Variants in RAB33A observed in about 807,000 individuals in gnomAD.
RAB33A encodes ras-related protein Rab-33A.
RAB33A carries 6 observed loss-of-function variants against 12.0 expected under a neutral mutation model. That is an observed-to-expected ratio of 0.50 (90% CI 0.27 to 0.99). The LOEUF (loss-of-function observed/expected upper bound fraction) is 0.99, where lower values mean the gene tolerates loss of function less well. RAB33A is among the 50% of genes least tolerant of loss of function. RAB33A has a pLI of 0.11. For missense variants in RAB33A, 109 were observed against 192.0 expected (o/e 0.57, Z 2.55); for synonymous variants, 70 against 82.4 (o/e 0.85, Z 0.81).
the RAB33A span, chrX:130,149,684 T>C: frequency 5.3e-6 from 3 of 563,352 alleles, no homozygotes; most frequent in South Asian, 7.7e-5. Flanking sequence ...AGTTCCTCTA[T>C]GTCAAAACCA....
the RAB33A span, among the ~76,000 whole-genome samples, chrX:130,113,225 A>C: frequency 1.0e-5 from 1 of 96,102 alleles, no homozygotes; most frequent in African/African-American, 3.9e-5. Context: ...GGACTACAGG[A>C]ACCCGCCACC....
At chrX:130,163,661 G>A in the RAB33A span, among the ~76,000 whole-genome samples, 1 of 112,231 alleles carries the variant, frequency 8.9e-6, no homozygotes, top group Non-Finnish European at 1.9e-5. Flanking sequence ...AAGACATGCA[G>A]TGGAAAAAAC....
chrX:130,163,999 C>A, the RAB33A span, among the ~76,000 whole-genome samples: 93 of 74,201 alleles, frequency 1.3e-3, no homozygotes, highest in Admixed American at 1.8e-3. Context: ...ACTAAAAATA[C>A]AAAAAAAAAA....
chrX:130,182,967 C>T lies in RAB33A; in HGVS notation c.259-1318C>T, dbSNP rs188068316. 6.2e-3 allele frequency among the ~76,000 whole-genome samples: 680 copies of T among 108,934 alleles called. 4 individuals are homozygous for T. Among genetic ancestry groups the T allele is most frequent in the African/African-American group, 0.022 (649 of 30,047 alleles). The allele number at this position is 108,934 out of a possible 115,157, so 94.6% of individuals were successfully genotyped here. A position where few individuals can be genotyped will look rare whatever the true frequency, so the allele number is the denominator to read the frequency against. Reference sequence around the variant, plus strand: ...TTGCCCAGGCTGAAGTGCAGTGGCCCGATCTCGGCTTACTGCAACCACCGC... The same window carrying T: ...TTGCCCAGGCTGAAGTGCAGTGGCCTGATCTCGGCTTACTGCAACCACCGC... On this transcript the variant is annotated intron_variant, in intron 1 of 1. Transcript: ENST00000257017.
rs1760017298 is a variant in RAB33A at position 130,171,999 on chromosome X, C to CGTG, written c.-62_-60dup. 9.0e-7 allele frequency: 1 copy of CGTG among 1,112,936 alleles called. No homozygotes were observed. Among genetic ancestry groups the CGTG allele is most frequent in the South Asian group, 2.1e-5 (1 of 47,630 alleles). The allele number at this position is 1,112,936 out of a possible 1,213,427, so 91.7% of individuals were successfully genotyped here. A position where few individuals can be genotyped will look rare whatever the true frequency, so the allele number is the denominator to read the frequency against. On this transcript the variant is annotated 5_prime_UTR_variant, in exon 1 of 2. Coordinates refer to ENST00000257017, the MANE Select transcript of RAB33A (RefSeq NM_004794.3). ...AGCTCGCTCGCCTCGAGCGCACGAACGTGGACGTTCTCTTTGTGTGGAGCC... is the reference window on the plus strand; with the variant it reads ...AGCTCGCTCGCCTCGAGCGCACGAACGTGGTGGACGTTCTCTTTGTGTGGAGCC...
upstream of RAB33A, among the ~76,000 whole-genome samples, chrX:130,167,615 C>T (rs1342210604): frequency 1.8e-5 from 2 of 112,326 alleles, no homozygotes; most frequent in South Asian, 3.7e-4. Flanking sequence ...CCATGGCATG[C>T]GCCTGTAATC....
At chrX:130,119,513 AAG>A in the RAB33A span, among the ~76,000 whole-genome samples, 2 of 111,175 alleles carry the variant, frequency 1.8e-5, no homozygotes, top group South Asian at 3.8e-4. Context: ...TGGGGACAGA[AAG>A]AGGGGGCAGG....
chrX:130,137,502 A>G, the RAB33A span: 1 of 1,167,682 alleles, frequency 8.6e-7, no homozygotes, highest in Admixed American at 2.6e-5. Flanking sequence ...CATCCTCCTG[A>G]AAAGATGCCC....
At chrX:130,172,422 G>A in intron 1 of RAB33A, 102 bp downstream of exon 1, 1 of 1,046,154 alleles carries the variant, frequency 9.6e-7, no homozygotes, top group Non-Finnish European at 1.3e-6. Context: ...AGCGCGTGGC[G>A]GTTTCGCCTC....
the RAB33A span, among the ~76,000 whole-genome samples, chrX:130,166,784 G>A: frequency 2.0e-4 from 22 of 111,922 alleles, no homozygotes; most frequent in Non-Finnish European, 5.6e-5. Context: ...CTTTATGATG[G>A]GTTTAATGAG....
the RAB33A span, chrX:130,133,304 C>A: frequency 8.3e-7 from 1 of 1,210,598 alleles, no homozygotes; most frequent in Non-Finnish European, 1.1e-6. Context: ...CAAGGCACAC[C>A]ACTATTACCA....
chrX:130,153,270 A>T, the RAB33A span, among the ~76,000 whole-genome samples: 2 of 103,550 alleles, frequency 1.9e-5, no homozygotes, highest in South Asian at 9.4e-4. Context: ...GGAAAATGGC[A>T]TGAACCCGGG....
chrX:130,157,910 G>A, the RAB33A span, among the ~76,000 whole-genome samples: 14 of 98,067 alleles, frequency 1.4e-4, no homozygotes, highest in Admixed American at 1.3e-3. Flanking sequence ...AGCCGAGATC[G>A]CACCACTGCA....
At chrX:130,117,894 GC>G in the RAB33A span, among the ~76,000 whole-genome samples, 1 of 112,558 alleles carries the variant, frequency 8.9e-6, no homozygotes, top group Non-Finnish European at 1.9e-5. Context: ...AGCTGGGGAG[GC>G]CCTGGCCTTA....
chrX:130,134,917 A>G, the RAB33A span, among the ~76,000 whole-genome samples: 1 of 111,742 alleles, frequency 8.9e-6, no homozygotes, highest in Non-Finnish European at 1.9e-5. Flanking sequence ...GGAAAAGAGC[A>G]GAATATTATA....
chrX:130,176,946 G>C, intron 1 of RAB33A, among the ~76,000 whole-genome samples: 1 of 112,463 alleles, frequency 8.9e-6, no homozygotes, highest in Non-Finnish European at 1.9e-5. Context: ...TCTATAGAAA[G>C]ATGCCAGTTA....
chrX:130,133,360 T>C, the RAB33A span: 4 of 1,209,251 alleles, frequency 3.3e-6, no homozygotes, highest in Non-Finnish European at 4.5e-6. Context: ...CAGTCATATT[T>C]TCTCCAGCCA....
At chrX:130,168,559 T>G (rs1200111055), upstream of RAB33A, among the ~76,000 whole-genome samples, 4 of 110,708 alleles carry the variant, frequency 3.6e-5, no homozygotes, top group East Asian at 5.7e-4. Context: ...AGTAGTTTTG[T>G]TTTTTGGTTT....
At chrX:130,141,588 T>C in the RAB33A span, among the ~76,000 whole-genome samples, 1 of 111,544 alleles carries the variant, frequency 9.0e-6, no homozygotes, top group Non-Finnish European at 1.9e-5. Context: ...GGAGGAGGTG[T>C]TGGCATTCTG....
Sources: allele counts gnomAD v4.1 joint callset (sites outside exome capture counted in the v4.1 genomes callset), GRCh38; gene constraint gnomAD v4.1.1; transcripts MANE v1.5; gene names NCBI Gene and HGNC (gene_info 2026-07-23, HGNC 2026-07-21).